TRPC4: variants seen among roughly 807,000 people sequenced by gnomAD.
TRPC4 encodes the protein transient receptor potential cation channel subfamily C member 4, also known as short transient receptor potential channel 4.
In TRPC4, 49 loss-of-function variants were observed where a neutral mutation model predicts 99.4. The observed-to-expected ratio is 0.49, with a 90% CI of 0.39 to 0.63. The LOEUF (loss-of-function observed/expected upper bound fraction) is 0.63, where lower values mean the gene tolerates loss of function less well. Ranked by LOEUF, TRPC4 falls within the 20% of genes least tolerant of loss-of-function variation. The pLI is 0.00. For missense variants in TRPC4, 898 were observed against 1,152.9 expected, an observed-to-expected ratio of 0.78 and a Z score of 3.20; for synonymous variants, 454 against 425.9, an observed-to-expected ratio of 1.07 and a Z score of -0.81.
At chr13:37,742,221 TG>T (rs1440201128) in intron 3 of TRPC4, among the ~76,000 whole-genome samples, 2 of 152,314 alleles carry the variant, frequency 1.3e-5, no homozygotes, top group Non-Finnish European at 1.5e-5. Flanking sequence ...GCTTTCTCTT[TG>T]GATGAGATTA....
intron 3 of TRPC4, among the ~76,000 whole-genome samples, chr13:37,704,363 T>C (rs944839558): frequency 2.6e-5 from 4 of 152,184 alleles, no homozygotes; most frequent in Admixed American, 6.6e-5. Flanking sequence ...CAGTTAATTG[T>C]ATGTCAATTT....
At chr13:37,686,132 A>C (rs1174206052) in intron 4 of TRPC4, among the ~76,000 whole-genome samples, 1 of 152,140 alleles carries the variant, frequency 6.6e-6, no homozygotes, top group Admixed American at 6.5e-5. Flanking sequence ...ATTTCTTATA[A>C]TTGTGAGAAT....
At chr13:37,704,946 G>T (rs1396421982) in intron 3 of TRPC4, among the ~76,000 whole-genome samples, 5 of 152,018 alleles carry the variant, frequency 3.3e-5, no homozygotes, top group Non-Finnish European at 5.9e-5. Flanking sequence ...CCACTACTAG[G>T]CATATATCTA....
chr13:37,768,186 C>G (rs138550522), intron 2 of TRPC4, among the ~76,000 whole-genome samples: 1 of 151,366 alleles, frequency 6.6e-6, no homozygotes, highest in Non-Finnish European at 1.5e-5. Flanking sequence ...GAAGGTGCAG[C>G]CACAAAAACT....
At chr13:37,646,127 TCA>T (rs1040100680) in intron 8 of TRPC4, among the ~76,000 whole-genome samples, 10 of 152,232 alleles carry the variant, frequency 6.6e-5, no homozygotes, top group South Asian at 6.2e-4. Context: ...GCTAATCTAT[TCA>T]CAGTTTCTAA....
At chr13:37,721,425 G>A (rs965242108) in intron 3 of TRPC4, among the ~76,000 whole-genome samples, 3 of 152,038 alleles carry the variant, frequency 2.0e-5, no homozygotes, top group African/African-American at 7.2e-5. Context: ...TTAAAATTTA[G>A]GGCTTTCAAA....
chr13:37,674,978 A>T (rs1952995695), intron 4 of TRPC4, among the ~76,000 whole-genome samples: 1 of 152,142 alleles, frequency 6.6e-6, no homozygotes, highest in Admixed American at 6.5e-5. Flanking sequence ...ACAAAATATT[A>T]GTGTAGGTTA....
At chr13:37,864,572 ATT>A (rs892133970) in intron 1 of TRPC4, among the ~76,000 whole-genome samples, 2 of 151,720 alleles carry the variant, frequency 1.3e-5, no homozygotes, top group African/African-American at 4.8e-5. Context: ...AATTATGTCA[ATT>A]ATGAAGCATA....
chr13:37,824,972 G>A (rs1050848233), intron 1 of TRPC4, among the ~76,000 whole-genome samples: 1 of 152,080 alleles, frequency 6.6e-6, no homozygotes, highest in Non-Finnish European at 1.5e-5. Context: ...TCTATTCAGA[G>A]ATTCAACTTC....
At chr13:37,862,719 C>T (rs1425205650) in intron 1 of TRPC4, among the ~76,000 whole-genome samples, 1 of 151,534 alleles carries the variant, frequency 6.6e-6, no homozygotes, top group Non-Finnish European at 1.5e-5. Flanking sequence ...ACAAACTTTG[C>T]TTAAAATATT....
chr13:37,676,771 T>C (rs1953069465), intron 4 of TRPC4, among the ~76,000 whole-genome samples: 1 of 151,990 alleles, frequency 6.6e-6, no homozygotes, highest in Non-Finnish European at 1.5e-5. Context: ...CTAAAGACTT[T>C]TTCTTCAATC....
At position 37,746,310 on chromosome 13, in the gene TRPC4, C is replaced by T; in HGVS notation, c.524G>A (p.Arg175His). 6.2e-7 allele frequency: 1 copy of T among 1,613,800 alleles called. No individual in the cohort carries two copies. The highest frequency in any genetic ancestry group is 1.3e-5 in the African/African-American group (1 of 75,022). ...GGACACGCATTCCACACAGTTACAG[C>T]GGACCTCGTGGGGTCGAGGCACTGA... The part of the protein sequence containing the change: ...GVSVPRPHEV[R>H]CNCVECVSSS... The change falls in exon 3 of 11, where the codon CGC (arginine) becomes CAC (histidine). Residue 175 changes from arginine to histidine, a missense_variant. By Grantham distance (29) the Arg-to-His change is conservative. Coordinates refer to ENST00000379705, the MANE Select transcript of TRPC4 (RefSeq NM_016179.4).
chr13:37,860,330 C>T (rs528698865), intron 1 of TRPC4, among the ~76,000 whole-genome samples: 1 of 151,274 alleles, frequency 6.6e-6, no homozygotes, highest in Non-Finnish European at 1.5e-5. Context: ...GTGTAAAACA[C>T]TCAAACCCAC....
intron 2 of TRPC4, among the ~76,000 whole-genome samples, chr13:37,767,673 TAA>T (rs921471905): frequency 1.4e-4 from 21 of 151,404 alleles, no homozygotes; most frequent in Non-Finnish European, 2.7e-4. Flanking sequence ...ATTGTTACCT[TAA>T]CTAAAGCCTG....
intron 1 of TRPC4, among the ~76,000 whole-genome samples, chr13:37,850,249 T>A (rs1959020997): frequency 6.6e-6 from 1 of 152,184 alleles, no homozygotes; most frequent in African/African-American, 2.4e-5. Flanking sequence ...CTGAAAAATG[T>A]CACCTCAATG....
At chr13:37,766,235 T>A (rs1956362704) in intron 2 of TRPC4, among the ~76,000 whole-genome samples, 1 of 151,456 alleles carries the variant, frequency 6.6e-6, no homozygotes. Flanking sequence ...TTCTCTAAAT[T>A]GGATGCAGCA....
At chr13:37,746,712 A>AT (rs1251411280) in intron 2 of TRPC4, among the ~76,000 whole-genome samples, 5 of 151,986 alleles carry the variant, frequency 3.3e-5, no homozygotes, top group Non-Finnish European at 7.4e-5. Context: ...ATAGGTGGTT[A>AT]TGGAAACTCT....
intron 2 of TRPC4, among the ~76,000 whole-genome samples, chr13:37,755,700 C>A (rs542456342): frequency 1.1e-4 from 16 of 152,244 alleles, no homozygotes; most frequent in Admixed American, 5.2e-4. Flanking sequence ...CTGCACCCAC[C>A]TGGCTCTATG....
intron 2 of TRPC4, among the ~76,000 whole-genome samples, chr13:37,773,303 C>A (rs1220089088): frequency 2.6e-5 from 4 of 151,792 alleles, no homozygotes; most frequent in Admixed American, 6.6e-5. Context: ...CTCACTTGAG[C>A]AAGTTAATCT....
Sources: gnomAD v4.1 joint callset for allele counts (sites outside exome capture counted in the v4.1 genomes callset) on GRCh38, gnomAD v4.1.1 for gene constraint, MANE v1.5 for transcripts, NCBI Gene and HGNC (gene_info 2026-07-23, HGNC 2026-07-21) for gene names.